SSTR3: variants seen among roughly 807,000 people sequenced by gnomAD.
SSTR3 encodes the protein somatostatin receptor 3.
For synonymous variants in SSTR3, 281 were observed against 269.2 expected (o/e 1.04, Z -0.43); for missense variants, 504 against 604.7 (o/e 0.83, Z 1.75).
chr22:37,210,067 G>A (rs1346455062), intron 1 of SSTR3, among the ~76,000 whole-genome samples: 1 of 152,196 alleles, frequency 6.6e-6, no homozygotes, highest in Non-Finnish European at 1.5e-5. Flanking sequence ...TGCCTCCCTG[G>A]TAGGGGACCC....
chr22:37,218,385 G>A, the SSTR3 span, among the ~76,000 whole-genome samples: 84,884 of 151,846 alleles, frequency 0.56, 24,582 homozygotes, highest in Middle Eastern at 0.66. Context: ...GAGAAACCCC[G>A]TCTCTACTAA....
chr22:37,209,072 C>A (rs1926031815), intron 1 of SSTR3, among the ~76,000 whole-genome samples: 1 of 152,210 alleles, frequency 6.6e-6, no homozygotes, highest in South Asian at 2.1e-4. Context: ...TGGATTCTCC[C>A]TGCAGAAAAC....
At chr22:37,215,347 A>G (rs1163192724), upstream of SSTR3, among the ~76,000 whole-genome samples, 2 of 152,116 alleles carry the variant, frequency 1.3e-5, no homozygotes, top group African/African-American at 2.4e-5. Flanking sequence ...TTCTCAAAGT[A>G]CTGGGATTAT....
chr22:37,211,866 G>T lies in SSTR3; in HGVS notation c.-78C>A. ...GGCTTCCCTCCTTGCCGCCAGGCTGGTTATCATTCTGCTGTCCCCTCTCCC... is the reference window on the plus strand; with the variant it reads ...GGCTTCCCTCCTTGCCGCCAGGCTGTTTATCATTCTGCTGTCCCCTCTCCC... On this transcript the variant is annotated 5_prime_UTR_variant, in exon 1 of 2. Transcript: ENST00000610913. 1.0e-6 allele frequency: 1 copy of T among 985,838 alleles called. No homozygotes were observed. The highest frequency in any genetic ancestry group is 1.2e-6 in the Non-Finnish European group (1 of 830,250). 61.1% of individuals were successfully genotyped at this position (985,838 alleles called of 1,614,324 possible).
Position 37,208,012 on chromosome 22 carries a change from C to T in SSTR3, c.-36-173G>A, listed in dbSNP as rs193120409. ...CCATCTCATTCACCCCGCACAGCCC[C>T]GCAAGGCTGAGTCGTGTTATCCCCT... On this transcript the variant is annotated intron_variant, in intron 1 of 1. Coordinates refer to ENST00000610913, the MANE Select transcript of SSTR3 (RefSeq NM_001051.5). Among the ~76,000 whole-genome samples the T allele has an allele frequency of 2.3e-3, 344 of 152,296 alleles. 1 individual carries two copies. The highest frequency in any genetic ancestry group is 7.8e-3 in the African/African-American group (323 of 41,540).
chr22:37,216,377 C>T (rs1319895617), upstream of SSTR3, among the ~76,000 whole-genome samples: 1 of 152,184 alleles, frequency 6.6e-6, no homozygotes, highest in Admixed American at 6.5e-5. Flanking sequence ...CCCCTTCTCC[C>T]CATCTTCTCA....
chr22:37,219,739 C>T, the SSTR3 span, among the ~76,000 whole-genome samples: 3 of 152,182 alleles, frequency 2.0e-5, no homozygotes, highest in Non-Finnish European at 4.4e-5. Flanking sequence ...ATGTTATTAT[C>T]CCTCATGATT....
chr22:37,211,503 C>T (rs1388411665), intron 1 of SSTR3, among the ~76,000 whole-genome samples: 1 of 152,194 alleles, frequency 6.6e-6, no homozygotes, highest in Non-Finnish European at 1.5e-5. Flanking sequence ...GTGCCAAGCA[C>T]AGTGCCGGGT....
At chr22:37,217,755 G>A in the SSTR3 span, among the ~76,000 whole-genome samples, 1 of 152,106 alleles carries the variant, frequency 6.6e-6, no homozygotes, top group Non-Finnish European at 1.5e-5. Flanking sequence ...CCAGGCTGGA[G>A]TGCAGTGGCA....
chr22:37,207,735 G>T lies in SSTR3; in HGVS notation c.69C>A (p.Pro23=). ...SEPENASSAW[P]PDATLGNVSA... is the part of the protein sequence containing the mutation. ...ACACGTTGCCCAGGGTGGCATCTGG[G>T]GGCCAGGCCGAGGAGGCATTCTCAG... Residue 23 remains proline, a synonymous_variant, in exon 2 of 2, where the codon CCC becomes CCA. Coordinates refer to ENST00000610913, the MANE Select transcript of SSTR3 (RefSeq NM_001051.5). 1.3e-6 allele frequency: 2 copies of T among 1,526,848 alleles called. No homozygotes were observed. The highest frequency in any genetic ancestry group is 1.8e-6 in the Non-Finnish European group (2 of 1,137,130). 94.6% of individuals were successfully genotyped at this position (1,526,848 alleles called of 1,614,324 possible).
chr22:37,209,798 A>G (rs1234420765), intron 1 of SSTR3, among the ~76,000 whole-genome samples: 2 of 152,218 alleles, frequency 1.3e-5, no homozygotes, highest in Non-Finnish European at 2.9e-5. Context: ...AGGCCTGGGA[A>G]GGCACCCACC....
At position 37,206,566 on chromosome 22, in the gene SSTR3, A is replaced by G; in HGVS notation, c.1238T>C (p.Met413Thr). 1 of 1,608,238 alleles carries G rather than the reference A, an allele frequency of 6.2e-7. No individual in the cohort carries two copies. The highest frequency in any genetic ancestry group is 8.5e-7 in the Non-Finnish European group (1 of 1,177,140). Reference protein sequence around the residue: ...EASTGEKSSTMRISYL With the variant: ...EASTGEKSSTTRISYL ...AGGCCCCTACAGGTAGCTGATGCGC[A>G]TCGTGCTGGACTTCTCCCCAGTGGA... Residue 413 changes from methionine to threonine, a missense_variant, in exon 2 of 2, where the codon ATG (methionine) becomes ACG (threonine). By Grantham distance (81) the Met-to-Thr change is moderately conservative. Coordinates refer to ENST00000610913, the MANE Select transcript of SSTR3 (RefSeq NM_001051.5).
Position 37,207,143 on chromosome 22 carries a change from C to A in SSTR3, c.661G>T (p.Val221Phe). The A allele has an allele frequency of 6.2e-7, 1 of 1,612,588 alleles. No homozygotes were observed. Among genetic ancestry groups the A allele is most frequent in the South Asian group, 1.1e-5 (1 of 91,084 alleles). Residue 221 changes from valine (V) to phenylalanine (F), a missense_variant, in exon 2 of 2, where the codon GTC (valine) becomes TTC (phenylalanine). By Grantham distance (50) the Val-to-Phe change is conservative. Coordinates refer to ENST00000610913, the MANE Select transcript of SSTR3 (RefSeq NM_001051.5). The part of the protein sequence containing the change: ...AALGFFGPLL[V>F]ICLCYLLIVV... ...ATGAGCAGGTAGCAGAGGCAGATGA[C>A]CAGCAGCGGCCCGAAGAAGCCCAGT...
chr22:37,207,533 C>T lies in SSTR3; in HGVS notation c.271G>A (p.Glu91Lys), dbSNP rs201547867. The change falls in exon 2 of 2, where the codon GAG (glutamate) becomes AAG (lysine). Residue 91 changes from glutamate (E) to lysine (K), a missense_variant. Physicochemically the swap from Glu to Lys is moderately conservative, Grantham distance 56. Coordinates refer to ENST00000610913, the MANE Select transcript of SSTR3 (RefSeq NM_001051.5). ...VYILNLALAD[E>K]LFMLGLPFLA... ...AAGGGCAGCCCCAGCATGAAGAGCT[C>T]GTCGGCCAGCGCCAGGTTGAGGATG... 5.0e-6 allele frequency: 8 copies of T among 1,613,672 alleles called. No individual in the cohort carries two copies. The highest frequency in any genetic ancestry group is 4.4e-5 in the South Asian group (4 of 91,086).
intron 1 of SSTR3, among the ~76,000 whole-genome samples, chr22:37,209,870 T>C (rs1008439697): frequency 6.6e-6 from 1 of 152,256 alleles, no homozygotes. Flanking sequence ...ATGAGGATCA[T>C]GGACTCAAAG....
At chr22:37,210,911 C>A in intron 1 of SSTR3, 1 of 985,488 alleles carries the variant, frequency 1.0e-6, no homozygotes, top group Non-Finnish European at 1.2e-6. Context: ...CCAAGCCGTT[C>A]AACAAGGAGA....
chr22:37,219,981 T>C, the SSTR3 span, among the ~76,000 whole-genome samples: 151 of 152,256 alleles, frequency 9.9e-4, 3 homozygotes, highest in Admixed American at 5.0e-3. Context: ...CAAATAACAT[T>C]CATTCTGCAT....
At chr22:37,211,055 C>CT in intron 1 of SSTR3, 1 of 872,382 alleles carries the variant, frequency 1.1e-6, no homozygotes, top group Non-Finnish European at 1.4e-6. Context: ...TGCAAAGGGT[C>CT]ACCCAGCTGG....
chr22:37,210,945 C>T (rs1157158967), intron 1 of SSTR3: 11 of 985,352 alleles, frequency 1.1e-5, no homozygotes, highest in Middle Eastern at 5.2e-4. Flanking sequence ...ACATTGTCCC[C>T]GGATGGAAGC....
Sources: gnomAD v4.1 joint callset for allele counts (sites outside exome capture counted in the v4.1 genomes callset) on GRCh38, gnomAD v4.1.1 for gene constraint, MANE v1.5 for transcripts, NCBI Gene and HGNC (gene_info 2026-07-23, HGNC 2026-07-21) for gene names.